JCAD: variants seen among roughly 807,000 people sequenced by gnomAD.
JCAD encodes the protein junctional cadherin 5-associated protein.
A neutral mutation model predicts 98.0 loss-of-function variants in JCAD; 40 were observed. The observed-to-expected ratio is 0.41, with a 90% CI of 0.32 to 0.53. The LOEUF (loss-of-function observed/expected upper bound fraction) is 0.53, where lower values mean the gene tolerates loss of function less well. Among genes scored for constraint, JCAD ranks in the 20% least tolerant of loss-of-function variants. The pLI, the probability that JCAD is intolerant of heterozygous loss-of-function variation, is 0.31. For missense variants in JCAD, 1,705 were observed against 1,738.1 expected, an observed-to-expected ratio of 0.98 and a Z score of 0.34; for synonymous variants, 691 against 682.3, an observed-to-expected ratio of 1.01 and a Z score of -0.20.
At position 30,047,720 on chromosome 10, in the gene JCAD, C is replaced by T; in HGVS notation, c.93G>A (p.Gln31=). The stretch of plus-strand genomic sequence containing the variant: ...CTGCTCGTGTCCCAGTCCTCGCTGC[C>T]TGGCGCCCCTTGGGGTTATCCTCGC... ...ASREDNPKGR[Q]AARTGTRAGQ... is the part of the protein sequence containing the mutation. Residue 31 remains glutamine (Q), a synonymous_variant, in exon 2 of 4, where the codon CAG becomes CAA. Coordinates refer to ENST00000375377, the MANE Select transcript of JCAD (RefSeq NM_020848.4). 1 of 1,614,266 alleles carries T rather than the reference C, an allele frequency of 6.2e-7. No homozygotes were observed. The highest frequency in any genetic ancestry group is 8.5e-7 in the Non-Finnish European group (1 of 1,180,054).
At chr10:30,113,319 A>AG (rs1383618310) in intron 1 of JCAD, among the ~76,000 whole-genome samples, 1 of 151,806 alleles carries the variant, frequency 6.6e-6, no homozygotes, top group African/African-American at 2.4e-5. Context: ...GGGAGGCCAA[A>AG]GCCAGTGGAT....
rs1376102684 is a variant in JCAD at position 30,059,107 on chromosome 10, G to A, written c.-60+375C>T. The stretch of plus-strand genomic sequence containing the variant: ...TGGGGAGGGCGACTTCGAGAGGGGA[G>A]TGAGTGACCCCGGCCCCCCAGGCCC... On this transcript the variant is annotated intron_variant, in intron 1 of 3. Transcript: ENST00000375377. The surrounding 1 kb of genome is among the most constrained non-coding windows in gnomAD (Gnocchi z 5.0). Among the ~76,000 whole-genome samples, 1 of 151,994 alleles carries A rather than the reference G, an allele frequency of 6.6e-6. No homozygotes were observed. Among genetic ancestry groups the A allele is most frequent in the Non-Finnish European group, 1.5e-5 (1 of 67,926 alleles).
At chr10:30,102,686 C>T (rs1418796635) in intron 1 of JCAD, among the ~76,000 whole-genome samples, 3 of 152,196 alleles carry the variant, frequency 2.0e-5, no homozygotes, top group East Asian at 1.9e-4. Context: ...CAGAATCATA[C>T]AGTATTTGCC....
chr10:30,096,105 T>A lies in JCAD; in HGVS notation n.128+19262A>T, dbSNP rs189075060. 1.2e-3 allele frequency among the ~76,000 whole-genome samples: 178 copies of A among 152,320 alleles called. 1 individual carries two copies. Among genetic ancestry groups the A allele is most frequent in the African/African-American group, 4.1e-3 (169 of 41,572 alleles). ...TCCACACAGCCATCAGAGGGGCCAG[T>A]GTGTGGAGAAGCTGCCAGGAAAGAT... On this transcript the variant is annotated intron_variant and non_coding_transcript_variant, in intron 1 of 2. Coordinates refer to the JCAD transcript ENST00000465712.
chr10:30,042,104 A>T lies in JCAD; in HGVS notation c.281+5428T>A, dbSNP rs565903960. Among the ~76,000 whole-genome samples, 3 of 152,330 alleles carry T rather than the reference A, an allele frequency of 2.0e-5. No homozygotes were observed. In the South Asian group the frequency reaches 6.2e-4, roughly 32 times the overall value. On this transcript the variant is annotated intron_variant, in intron 2 of 3. Transcript: ENST00000375377. ...CCAGTTTCATCACTACAGTCTGTTA[A>T]CTGAGACCATTTAGGAGCGGGCTAG...
chr10:30,026,640 G>T lies in JCAD; in HGVS notation c.3508C>A (p.Pro1170Thr). The change falls in exon 3 of 4, where the codon CCT becomes ACT. Residue 1170 changes from proline to threonine, a missense_variant. Coordinates refer to ENST00000375377, the MANE Select transcript of JCAD (RefSeq NM_020848.4). ...VGDRDSARRA[P>T]QAFEHSDVDG... ...ACATCTGAGTGCTCAAAAGCCTGAG[G>T]AGCCCGCCTGGCACTGTCCCTGTCC... 1 of 1,613,138 alleles carries T rather than the reference G, an allele frequency of 6.2e-7. No homozygotes were observed. The highest frequency in any genetic ancestry group is 1.1e-5 in the South Asian group (1 of 91,034).
upstream of JCAD, among the ~76,000 whole-genome samples, chr10:30,061,028 G>T (rs1837692504): frequency 6.6e-6 from 1 of 152,332 alleles, no homozygotes; most frequent in South Asian, 2.1e-4. Context: ...CCAGATGGTG[G>T]CGATAGGAGC....
chr10:30,055,379 G>A (rs1335728254), intron 1 of JCAD, among the ~76,000 whole-genome samples: 2 of 152,140 alleles, frequency 1.3e-5, no homozygotes, highest in Admixed American at 1.3e-4. Flanking sequence ...TTAAACAAGA[G>A]GTAAATCACC....
intron 1 of JCAD, among the ~76,000 whole-genome samples, chr10:30,051,309 A>ACAC (rs1205792252): frequency 2.0e-5 from 2 of 101,346 alleles, no homozygotes; most frequent in African/African-American, 3.6e-5. Context: ...CACACACACA[A>ACAC]GAGTTGATGC....
chr10:30,085,554 A>G (rs1029242442), intron 1 of JCAD, among the ~76,000 whole-genome samples: 13 of 152,178 alleles, frequency 8.5e-5, no homozygotes, highest in African/African-American at 3.1e-4. Context: ...AGATGCCCTT[A>G]CGTGATGGGA....
chr10:30,043,643 C>T lies in JCAD; in HGVS notation c.281+3889G>A, dbSNP rs529990739. Among the ~76,000 whole-genome samples, 7 of 152,282 alleles carry T rather than the reference C, an allele frequency of 4.6e-5. No individual in the cohort carries two copies. In the South Asian group the frequency reaches 1.5e-3, roughly 32 times the overall value. ...GAGAGCTGTCACACGTCCATGCATG[C>T]CAGGGGGAGGGTGGAGGACAAGGGA... On this transcript the variant is annotated intron_variant, in intron 2 of 3. Coordinates refer to ENST00000375377, the MANE Select transcript of JCAD (RefSeq NM_020848.4).
chr10:30,021,653 A>G (rs555766852), intron 3 of JCAD, among the ~76,000 whole-genome samples: 2 of 152,292 alleles, frequency 1.3e-5, no homozygotes, highest in East Asian at 3.9e-4. Context: ...TTTTGTACTA[A>G]GTCTTTGGAA....
intron 1 of JCAD, among the ~76,000 whole-genome samples, chr10:30,092,034 C>CA (rs1198107053): frequency 2.8e-4 from 10 of 35,412 alleles, no homozygotes; most frequent in African/African-American, 7.0e-4. Context: ...TCCCCCACCA[C>CA]AAAAAAAAAA....
intron 2 of JCAD, chr10:30,044,885 T>C (rs1303880727): frequency 1.5e-6 from 1 of 686,404 alleles, no homozygotes; most frequent in Non-Finnish European, 1.8e-6. Context: ...TCTCTGAAGC[T>C]TGGGGCACTG....
At chr10:30,104,477 A>G (rs529692075) in intron 1 of JCAD, among the ~76,000 whole-genome samples, 1 of 150,792 alleles carries the variant, frequency 6.6e-6, no homozygotes, top group South Asian at 2.1e-4. Context: ...ATGCAAGAAC[A>G]GAAAACCAAA....
intron 1 of JCAD, among the ~76,000 whole-genome samples, chr10:30,103,943 G>A (rs190587358): frequency 1.7e-4 from 26 of 152,220 alleles, no homozygotes; most frequent in African/African-American, 6.3e-4. Flanking sequence ...AGGAAATGCA[G>A]TTCAATGGGA....
At chr10:30,049,186 A>G (rs1019309867) in intron 1 of JCAD, among the ~76,000 whole-genome samples, 3 of 152,182 alleles carry the variant, frequency 2.0e-5, no homozygotes, top group African/African-American at 4.8e-5. Context: ...CACTGCTTCT[A>G]CGGGGGCTGA....
chr10:30,017,103 G>C lies in JCAD; in HGVS notation c.*780C>G, dbSNP rs1191210950. The C allele has an allele frequency of 2.0e-5, 3 of 151,862 alleles. No homozygotes were observed. Among genetic ancestry groups the C allele is most frequent in the African/African-American group, 4.8e-5 (2 of 41,312 alleles). 9.4% of individuals were successfully genotyped at this position (151,862 alleles called of 1,614,324 possible). Reference sequence around the variant, plus strand: ...AGAAATATAGTCACTTTGTTAAAATGGTCTATTTTAAACCAGCAATTATTT... The same window carrying C: ...AGAAATATAGTCACTTTGTTAAAATCGTCTATTTTAAACCAGCAATTATTT... On this transcript the variant is annotated 3_prime_UTR_variant, in exon 4 of 4. Coordinates refer to ENST00000375377, the MANE Select transcript of JCAD (RefSeq NM_020848.4).
chr10:30,049,876 G>T lies in JCAD; in HGVS notation c.-59-2005C>A, dbSNP rs141301297. On this transcript the variant is annotated intron_variant, in intron 1 of 3. Transcript: ENST00000375377. ...CACAGTATGAACTCAATAAATACTT[G>T]TTGAGAAAATGCACAAATGAGAGAC... is the stretch of plus-strand genomic sequence containing the variant. Among the ~76,000 whole-genome samples the T allele has an allele frequency of 4.5e-3, 691 of 152,274 alleles. 10 individuals carry two copies. The South Asian group carries it at 0.051, about 11-fold the overall frequency.
Sources: allele counts gnomAD v4.1 joint callset (sites outside exome capture counted in the v4.1 genomes callset), GRCh38; gene constraint gnomAD v4.1.1; non-coding constraint Gnocchi (gnomAD v3.1); transcripts MANE v1.5; gene names NCBI Gene and HGNC (gene_info 2026-07-23, HGNC 2026-07-21).